The following VRK2 variants were observed in gnomAD, a reference collection of about 807,000 sequenced individuals.
VRK2 encodes VRK serine/threonine kinase 2, also known as serine/threonine-protein kinase VRK2.
A neutral mutation model predicts 57.6 loss-of-function variants in VRK2; 60 were observed. The ratio of observed to expected loss-of-function variants is 1.04; its 90% CI spans 0.85 to 1.29. The LOEUF is 1.29. Among genes scored for constraint, VRK2 ranks in the 50% most tolerant of loss-of-function variants. VRK2 has a pLI of 0.00. For synonymous variants in VRK2, 231 were observed against 199.2 expected, an observed-to-expected ratio of 1.16 and a Z score of -1.35; for missense variants, 705 against 588.1, an observed-to-expected ratio of 1.20 and a Z score of -2.06.
At chr2:58,152,251 C>G (rs1397675654) in intron 12 of VRK2, among the ~76,000 whole-genome samples, 1 of 151,812 alleles carries the variant, frequency 6.6e-6, no homozygotes, top group Non-Finnish European at 1.5e-5. Flanking sequence ...TATAACTAGC[C>G]ATATTTCAAG....
At chr2:58,058,917 A>G (rs1277885307) in intron 2 of VRK2, among the ~76,000 whole-genome samples, 1 of 152,044 alleles carries the variant, frequency 6.6e-6, no homozygotes, top group African/African-American at 2.4e-5. Flanking sequence ...AGAACACTTG[A>G]ATTTATTGTT....
intron 12 of VRK2, among the ~76,000 whole-genome samples, chr2:58,156,805 G>A (rs1683948569): frequency 6.6e-6 from 1 of 151,944 alleles, no homozygotes; most frequent in South Asian, 2.1e-4. Flanking sequence ...ATGTTTTATA[G>A]TCCTTGTTTG....
intron 7 of VRK2, among the ~76,000 whole-genome samples, chr2:58,119,901 A>G (rs1430578183): frequency 6.6e-6 from 1 of 151,876 alleles, no homozygotes; most frequent in Non-Finnish European, 1.5e-5. Context: ...TCATTTTGCT[A>G]AAGGAGTCTC....
At position 58,086,339 on chromosome 2, in the gene VRK2, T is replaced by A; in HGVS notation, c.257T>A (p.Ile86Asn). 6.2e-7 allele frequency: 1 copy of A among 1,600,312 alleles called. No homozygotes were observed. The change falls in exon 5 of 13, where the codon ATC becomes AAC. Residue 86 changes from isoleucine (I) to asparagine (N), a missense_variant and splice_region_variant. Transcript: ENST00000340157. ...FYQRVAKKDC[I>N]KKWIERKQLD... ...TTTAAAAATAAATTTGTCTTTGTAG[T>A]CAAAAAGTGGATAGAACGCAAACAA...
Position 58,111,035 on chromosome 2 carries a change from G to A in VRK2, c.544-12066G>A, listed in dbSNP as rs151017982. 3.3e-3 allele frequency among the ~76,000 whole-genome samples: 495 copies of A among 152,266 alleles called. 5 individuals are homozygous for A. The highest frequency in any genetic ancestry group is 0.011 in the African/African-American group (455 of 41,550). On this transcript the variant is annotated intron_variant, in intron 7 of 12. Transcript: ENST00000340157. ...ACAAGTAAAGGGCCGCTTCTTTCTT[G>A]ATGGGATTACACCTCAGTGGCTGCA...
intron 7 of VRK2, among the ~76,000 whole-genome samples, chr2:58,090,716 C>T (rs568363731): frequency 2.0e-5 from 3 of 152,262 alleles, no homozygotes; most frequent in Admixed American, 6.5e-5. Flanking sequence ...AGTATTTACC[C>T]AAATGAGTTG....
chr2:58,152,793 G>A (rs1683261776), intron 12 of VRK2, among the ~76,000 whole-genome samples: 1 of 151,636 alleles, frequency 6.6e-6, no homozygotes. Flanking sequence ...AATACATACA[G>A]CCTCCCTATA....
intron 7 of VRK2, among the ~76,000 whole-genome samples, 194 bp from the exon 8 acceptor site, chr2:58,122,907 G>A (rs1184058167): frequency 2.6e-5 from 4 of 152,182 alleles, no homozygotes; most frequent in African/African-American, 9.7e-5. Context: ...TGCCAATGAT[G>A]AAGAAAGGAT....
Position 58,084,074 on chromosome 2 carries a change from T to C in VRK2, c.137-15T>C. Reference sequence around the variant, plus strand: ...ATAACTATTTTTCTCCATTGTGTGTTTTTTTTGTCTGCAGCTTTCCCCACA... The same window carrying C: ...ATAACTATTTTTCTCCATTGTGTGTCTTTTTTGTCTGCAGCTTTCCCCACA... On this transcript the variant is annotated splice_polypyrimidine_tract_variant and intron_variant, in intron 2 of 12. Coordinates refer to ENST00000340157, the MANE Select transcript of VRK2 (RefSeq NM_006296.7). The C allele has an allele frequency of 6.2e-7, 1 of 1,603,990 alleles. No individual in the cohort carries two copies. Among genetic ancestry groups the C allele is most frequent in the Non-Finnish European group, 8.5e-7 (1 of 1,174,152 alleles).
chr2:58,111,577 C>A (rs1267945187), intron 7 of VRK2, among the ~76,000 whole-genome samples: 1 of 152,090 alleles, frequency 6.6e-6, no homozygotes, highest in Admixed American at 6.5e-5. Flanking sequence ...AAAAGTGAGA[C>A]CCCATCTCTA....
intron 3 of VRK2, among the ~76,000 whole-genome samples, chr2:58,039,355 G>A (rs1674373703): frequency 6.6e-6 from 1 of 152,046 alleles, no homozygotes. Context: ...TTCAGTCTCA[G>A]TTATCTCAGA....
At chr2:58,081,264 G>C (rs1436735737) in intron 2 of VRK2, among the ~76,000 whole-genome samples, 2 of 151,900 alleles carry the variant, frequency 1.3e-5, no homozygotes, top group Non-Finnish European at 2.9e-5. Flanking sequence ...ACAGGATTGA[G>C]TGTGTGTGTG....
At chr2:58,036,322 A>G (rs569435242) in intron 3 of VRK2, among the ~76,000 whole-genome samples, 29 of 152,126 alleles carry the variant, frequency 1.9e-4, no homozygotes, top group Admixed American at 6.6e-4. Context: ...TTTAAACTAT[A>G]AAGTATCTAT....
intron 12 of VRK2, among the ~76,000 whole-genome samples, chr2:58,158,680 G>T (rs2104746048): frequency 6.6e-6 from 1 of 152,258 alleles, no homozygotes; most frequent in East Asian, 1.9e-4. Context: ...TGGTGATCAG[G>T]AAACTGATTC....
chr2:58,150,549 T>G (rs927491558), intron 12 of VRK2, among the ~76,000 whole-genome samples: 6 of 133,040 alleles, frequency 4.5e-5, no homozygotes, highest in Non-Finnish European at 9.3e-5. Context: ...CCAGCTTTGG[T>G]TTTTTTTTTT....
intron 7 of VRK2, among the ~76,000 whole-genome samples, chr2:58,122,309 A>C (rs1278169788): frequency 6.6e-6 from 1 of 152,204 alleles, no homozygotes; most frequent in East Asian, 1.9e-4. Flanking sequence ...TGCACAGTCA[A>C]AAATTTGCAT....
At chr2:58,154,819 A>C (rs780032072) in intron 12 of VRK2, 2 of 716,060 alleles carry the variant, frequency 2.8e-6, no homozygotes, top group Non-Finnish European at 5.2e-6. Context: ...ATTCCATGCT[A>C]TAAGTGTCCT....
intron 7 of VRK2, among the ~76,000 whole-genome samples, chr2:58,106,368 T>C (rs1165375153): frequency 6.6e-6 from 1 of 152,080 alleles, no homozygotes; most frequent in Non-Finnish European, 1.5e-5. Flanking sequence ...CAGGCTTTGA[T>C]GTTTTGCTAA....
chr2:58,102,772 G>A (rs1674179684), intron 7 of VRK2, among the ~76,000 whole-genome samples: 2 of 151,470 alleles, frequency 1.3e-5, no homozygotes, highest in South Asian at 4.1e-4. Context: ...TCCAAGAGCT[G>A]CAGAATATAC....
Sources: allele counts gnomAD v4.1 joint callset (sites outside exome capture counted in the v4.1 genomes callset), GRCh38; gene constraint gnomAD v4.1.1; transcripts MANE v1.5; gene names NCBI Gene and HGNC (gene_info 2026-07-23, HGNC 2026-07-21).